CR1: variants seen among roughly 807,000 people sequenced by gnomAD.
The protein encoded by CR1 is complement receptor type 1.
CR1 carries 116 observed loss-of-function variants against 187.3 expected under a neutral mutation model. That is an observed-to-expected ratio of 0.62 (90% CI 0.53 to 0.72). The LOEUF (loss-of-function observed/expected upper bound fraction) is 0.72, where lower values mean the gene tolerates loss of function less well. Among genes scored for constraint, CR1 ranks in the 30% least tolerant of loss-of-function variants. CR1 has a pLI of 0.00. For missense variants in CR1, 1,731 were observed against 2,110.7 expected (o/e 0.82, Z 3.52); for synonymous variants, 576 against 747.1 (o/e 0.77, Z 3.73).
At chr1:207,617,431 T>C (rs753078893) in intron 41 of CR1, among the ~76,000 whole-genome samples, 1 of 143,498 alleles carries the variant, frequency 7.0e-6, no homozygotes. Context: ...ATGGCACATG[T>C]ATACCTATGT....
chr1:207,607,217 G>A (rs775111591), intron 35 of CR1, 34 bp from the exon 36 acceptor site: 2 of 1,482,178 alleles, frequency 1.3e-6, no homozygotes, highest in Non-Finnish European at 1.9e-6. Flanking sequence ...GGAAATATGT[G>A]TAGCGTATAA....
At chr1:207,606,393 A>AGAG (rs1558262710) in intron 35 of CR1, 1 of 152,236 alleles carries the variant, frequency 6.6e-6, no homozygotes, top group Non-Finnish European at 1.5e-5. Flanking sequence ...CTAATGAAGG[A>AGAG]GAGGAAAGTG....
At position 207,584,743 on chromosome 1, in the gene CR1, A is replaced by G; in HGVS notation, c.5397A>G (p.Thr1799=). ...DIPYGKEISY[T]CDPHPDRGMT... ...CCTATGGAAAAGAAATATCTTACACATGTGACCCCCACCCAGACAGAGGGA... is the reference window on the plus strand; with the variant it reads ...CCTATGGAAAAGAAATATCTTACACGTGTGACCCCCACCCAGACAGAGGGA... The change falls in exon 33 of 47, where the codon ACA becomes ACG. Residue 1799 remains threonine (T), a synonymous_variant. Coordinates refer to ENST00000367049, the MANE Select transcript of CR1 (RefSeq NM_000651.6). 1.2e-6 allele frequency: 2 copies of G among 1,613,856 alleles called. No individual in the cohort carries two copies. Among genetic ancestry groups the G allele is most frequent in the Non-Finnish European group, 1.7e-6 (2 of 1,179,804 alleles).
chr1:207,603,102 T>C (rs1001033342), intron 35 of CR1, among the ~76,000 whole-genome samples: 1 of 151,956 alleles, frequency 6.6e-6, no homozygotes, highest in African/African-American at 2.4e-5. Context: ...AATGACATTC[T>C]TTTTTTTAAT....
intron 4 of CR1, among the ~76,000 whole-genome samples, chr1:207,515,317 C>T (rs576715955): frequency 6.7e-6 from 1 of 148,358 alleles, no homozygotes; most frequent in East Asian, 2.0e-4. Flanking sequence ...TATATATATA[C>T]ACATATATAT....
chr1:207,606,050 G>C (rs980999039), intron 35 of CR1: 1 of 152,158 alleles, frequency 6.6e-6, no homozygotes, highest in African/African-American at 2.4e-5. Context: ...TTCTGTCTCA[G>C]GTTAAAAATC....
chr1:207,568,018 C>T lies in CR1; in HGVS notation c.4147C>T (p.Pro1383Ser), dbSNP rs751591351. The T allele has an allele frequency of 1.2e-6, 2 of 1,610,674 alleles. No individual in the cohort carries two copies. Among genetic ancestry groups the T allele is most frequent in the Admixed American group, 1.7e-5 (1 of 59,936 alleles). The change falls in exon 25 of 47, where the codon CCT becomes TCT. Residue 1383 changes from proline to serine, a missense_variant. Coordinates refer to ENST00000367049, the MANE Select transcript of CR1 (RefSeq NM_000651.6). ...TCAAGGGAATGGGGTTTGGAGCAGC[C>T]CTGCCCCTCGCTGTGGAATTCTGGG... ...DPQGNGVWSSPAPRCGILGHC... is the reference protein window; with the variant it reads ...DPQGNGVWSSSAPRCGILGHC...
chr1:207,574,801 A>G (rs974954649), intron 27 of CR1, among the ~76,000 whole-genome samples: 2 of 152,226 alleles, frequency 1.3e-5, no homozygotes, highest in African/African-American at 4.8e-5. Context: ...ATACATGCAC[A>G]TATATAAAAT....
In CR1 at chr1:207,609,451, A is replaced by T. The variant is rs1265485196; in HGVS notation, c.6058A>T (p.Ser2020Cys). ...GGGAGAACGGTCAATATATTGCACC[A>T]GCAAAGATGATCAAGTTGGTGTTTG... ...LVGERSIYCT[S>C]KDDQVGVWSS... Residue 2020 changes from serine (S) to cysteine (C), a missense_variant, in exon 37 of 47, where the codon AGC (serine) becomes TGC (cysteine). Ser to Cys is a moderately radical substitution (Grantham distance 112, BLOSUM62 -1). Transcript: ENST00000367049. 3.1e-6 allele frequency: 5 copies of T among 1,614,058 alleles called. No individual in the cohort carries two copies. The highest frequency in any genetic ancestry group is 4.5e-5 in the East Asian group (2 of 44,884).
intron 35 of CR1, among the ~76,000 whole-genome samples, chr1:207,598,545 G>A (rs903826380): frequency 7.9e-5 from 12 of 151,764 alleles, no homozygotes; most frequent in Admixed American, 7.2e-4. Context: ...TCAGCCTGCC[G>A]AGTAGCTGGG....
intron 33 of CR1, among the ~76,000 whole-genome samples, chr1:207,585,973 C>T (rs1661099669): frequency 6.6e-6 from 1 of 151,780 alleles, no homozygotes; most frequent in South Asian, 2.1e-4. Flanking sequence ...CCTAACTCTA[C>T]AAAAAATAAG....
intron 28 of CR1, 143 bp from the exon 29 acceptor site, chr1:207,577,662 C>T (rs1297779078): frequency 6.9e-6 from 9 of 1,310,068 alleles, no homozygotes; most frequent in African/African-American, 3.0e-5. Context: ...CCCAGCTACT[C>T]GGGAGGTTGA....
chr1:207,497,796 A>C (rs1470809430), intron 1 of CR1, among the ~76,000 whole-genome samples: 2 of 146,136 alleles, frequency 1.4e-5, no homozygotes, highest in East Asian at 2.0e-4. Flanking sequence ...TATTAATTGC[A>C]AAAAAAAAAT....
At chr1:207,513,752 C>CTCCA (rs1659696820) in intron 4 of CR1, among the ~76,000 whole-genome samples, 1 of 115,928 alleles carries the variant, frequency 8.6e-6, no homozygotes. Context: ...CCCTCCCTCC[C>CTCCA]TCCCTCCCTC....
chr1:207,506,624 A>G, intron 2 of CR1, 90 bp from the exon 3 acceptor site: 1 of 1,029,026 alleles, frequency 9.7e-7, no homozygotes, highest in South Asian at 1.4e-5. Flanking sequence ...TGTGTTCCTC[A>G]GTAAGCTACA....
intron 46 of CR1, among the ~76,000 whole-genome samples, chr1:207,632,689 T>C (rs1055816370): frequency 6.7e-6 from 1 of 150,084 alleles, no homozygotes; most frequent in South Asian, 2.1e-4. Flanking sequence ...TCCCAGCTAC[T>C]CGGGAGGCTG....
At chr1:207,567,536 C>T (rs1447399707) in intron 24 of CR1, among the ~76,000 whole-genome samples, 1 of 150,398 alleles carries the variant, frequency 6.6e-6, no homozygotes, top group African/African-American at 2.5e-5. Flanking sequence ...AATAACCCTT[C>T]AAAATGGTTA....
Position 207,567,993 on chromosome 1 carries a change from T to C in CR1, c.4122T>C (p.Pro1374=). ...GCACCATCCGCTGCACAAGTGACCC[T>C]CAAGGGAATGGGGTTTGGAGCAGCC... is the stretch of plus-strand genomic sequence containing the variant. The part of the protein sequence containing the change: ...GESTIRCTSD[P]QGNGVWSSPA... Residue 1374 remains proline, a synonymous_variant, in exon 25 of 47, where the codon CCT becomes CCC. Transcript: ENST00000367049. 6.2e-7 allele frequency: 1 copy of C among 1,610,460 alleles called. No individual in the cohort carries two copies. Among genetic ancestry groups the C allele is most frequent in the Non-Finnish European group, 8.5e-7 (1 of 1,179,550 alleles).
At position 207,577,828 on chromosome 1, in the gene CR1, A is replaced by G. The variant is rs779811757; in HGVS notation, c.4561A>G (p.Thr1521Ala). ...AGGAATTCCTTGTGGGCTACCCCCA[A>G]CCATCGCCAATGGAGATTTCATTAG... ...CQRIPCGLPP[T>A]IANGDFISTN... is the part of the protein sequence containing the mutation. Residue 1521 changes from threonine to alanine, a missense_variant, in exon 29 of 47, where the codon ACC becomes GCC. Physicochemically the swap from Thr to Ala is moderately conservative, Grantham distance 58. Around this residue, in one of 5 missense-constraint regions of CR1, gnomAD observed 1,312 missense variants for 1,379.6 expected, o/e 0.95. Coordinates refer to ENST00000367049, the MANE Select transcript of CR1 (RefSeq NM_000651.6). The G allele has an allele frequency of 1.2e-6, 2 of 1,613,936 alleles. No individual in the cohort carries two copies. The highest frequency in any genetic ancestry group is 8.5e-7 in the Non-Finnish European group (1 of 1,179,878).
Sources: allele counts gnomAD v4.1 joint callset (sites outside exome capture counted in the v4.1 genomes callset), GRCh38; gene constraint gnomAD v4.1.1; regional missense constraint gnomAD v4.1.1; transcripts MANE v1.5; gene names NCBI Gene and HGNC (gene_info 2026-07-23, HGNC 2026-07-21).